TBC1D22A: variants seen among roughly 807,000 people sequenced by gnomAD.
TBC1D22A encodes the protein putative GTPase activator.
A neutral mutation model predicts 60.2 loss-of-function variants in TBC1D22A; 38 were observed. The ratio of observed to expected loss-of-function variants is 0.63; its 90% CI spans 0.49 to 0.83. TBC1D22A has a LOEUF of 0.83. Among genes scored for constraint, TBC1D22A ranks in the 40% least tolerant of loss-of-function variants. The pLI, the probability that TBC1D22A is intolerant of heterozygous loss-of-function variation, is 0.00. For synonymous variants in TBC1D22A, 302 were observed against 281.7 expected, an observed-to-expected ratio of 1.07 and a Z score of -0.72; for missense variants, 628 against 701.0, an observed-to-expected ratio of 0.90 and a Z score of 1.18.
chr22:47,053,555 G>A (rs1047571935), intron 11 of TBC1D22A, among the ~76,000 whole-genome samples: 3 of 152,250 alleles, frequency 2.0e-5, no homozygotes, highest in African/African-American at 7.2e-5. Flanking sequence ...AGTTTGCCAG[G>A]CCTGTGAGGA....
At chr22:46,912,726 T>A (rs764411767) in intron 8 of TBC1D22A, among the ~76,000 whole-genome samples, 24 of 152,188 alleles carry the variant, frequency 1.6e-4, no homozygotes, top group Non-Finnish European at 3.1e-4. Context: ...CCAGCTAATT[T>A]TTGTATTTTT....
chr22:47,109,668 C>A (rs967173090), intron 11 of TBC1D22A, among the ~76,000 whole-genome samples: 4 of 152,206 alleles, frequency 2.6e-5, no homozygotes, highest in African/African-American at 9.7e-5. Context: ...TTTCCATAAA[C>A]CTTTCCCCAT....
intron 4 of TBC1D22A, among the ~76,000 whole-genome samples, chr22:46,847,940 T>TGC (rs925427350): frequency 4.0e-5 from 5 of 124,830 alleles, no homozygotes; most frequent in African/African-American, 1.6e-4. Context: ...TGTGTGTGTG[T>TGC]GTGTGTGTGT....
intron 4 of TBC1D22A, 90 bp downstream of exon 4, chr22:46,797,710 T>C: frequency 3.0e-6 from 4 of 1,342,316 alleles, no homozygotes; most frequent in Middle Eastern, 1.9e-4. Flanking sequence ...TGTATGCTTA[T>C]GTAATGCACA....
intron 8 of TBC1D22A, chr22:46,915,295 A>T: frequency 2.4e-6 from 1 of 422,252 alleles, no homozygotes; most frequent in South Asian, 1.7e-5. Context: ...CAGAGAGGCT[A>T]TTCTGGTTTG....
chr22:47,071,837 G>A (rs774821299), intron 11 of TBC1D22A, among the ~76,000 whole-genome samples: 9 of 152,112 alleles, frequency 5.9e-5, no homozygotes, highest in Non-Finnish European at 1.0e-4. Context: ...TGTTATTCTC[G>A]GAGTGGAGAG....
At chr22:46,903,039 C>G (rs1036480695) in intron 7 of TBC1D22A, among the ~76,000 whole-genome samples, 1 of 152,206 alleles carries the variant, frequency 6.6e-6, no homozygotes, top group East Asian at 1.9e-4. Flanking sequence ...CTGGGGCCGC[C>G]TCACGTCTCT....
chr22:46,911,434 A>T (rs2069914879), intron 7 of TBC1D22A, among the ~76,000 whole-genome samples: 1 of 152,090 alleles, frequency 6.6e-6, no homozygotes, highest in African/African-American at 2.4e-5. Flanking sequence ...CTGCTCACTC[A>T]TCCATGCCTC....
At position 47,054,898 on chromosome 22, in the gene TBC1D22A, G is replaced by T. The variant is rs1179822112; in HGVS notation, c.1329+17700G>T. On this transcript the variant is annotated intron_variant, in intron 11 of 12. Transcript: ENST00000337137. Reference sequence around the variant, plus strand: ...GTGTGTAGGGCACAGACCGTGGGGTGTGGGTGCAGTTGGCACTCTCACCCT... The same window carrying T: ...GTGTGTAGGGCACAGACCGTGGGGTTTGGGTGCAGTTGGCACTCTCACCCT... Among the ~76,000 whole-genome samples the T allele has an allele frequency of 2.6e-5, 4 of 152,200 alleles. No individual in the cohort carries two copies. In the South Asian group the frequency reaches 8.3e-4, roughly 31 times the overall value.
At chr22:46,910,854 G>C (rs5767408) in intron 7 of TBC1D22A, among the ~76,000 whole-genome samples, 85,147 of 149,544 alleles carry the variant, frequency 0.57, 24,538 homozygotes, top group Middle Eastern at 0.73. Flanking sequence ...CGAGACCCAG[G>C]GTGCGGGCGT....
At chr22:46,870,968 A>G (rs2067269000) in intron 4 of TBC1D22A, among the ~76,000 whole-genome samples, 1 of 152,218 alleles carries the variant, frequency 6.6e-6, no homozygotes, top group African/African-American at 2.4e-5. Context: ...AAACCATAAC[A>G]AAAGCCAGAC....
At chr22:46,854,623 C>A (rs2087473144) in intron 4 of TBC1D22A, among the ~76,000 whole-genome samples, 1 of 151,476 alleles carries the variant, frequency 6.6e-6, no homozygotes, top group South Asian at 2.1e-4. Context: ...TGCCCTAGAT[C>A]AGACCTTTAT....
chr22:47,046,357 G>A (rs552041537), intron 11 of TBC1D22A, among the ~76,000 whole-genome samples: 1 of 152,296 alleles, frequency 6.6e-6, no homozygotes, highest in Admixed American at 6.5e-5. Flanking sequence ...CCCTAGAGGA[G>A]AGCCACGGGC....
intron 4 of TBC1D22A, among the ~76,000 whole-genome samples, chr22:46,819,318 A>G (rs1415002853): frequency 1.3e-5 from 2 of 152,200 alleles, no homozygotes; most frequent in African/African-American, 4.8e-5. Context: ...ACCAGTTTTC[A>G]GAGGGAATGC....
chr22:47,129,976 C>G (rs1242446110), intron 12 of TBC1D22A, among the ~76,000 whole-genome samples: 3 of 152,172 alleles, frequency 2.0e-5, no homozygotes, highest in African/African-American at 7.2e-5. Context: ...GCTTCCTTAC[C>G]CTGTGGTCCC....
chr22:46,812,904 C>G (rs1274500677), intron 4 of TBC1D22A, among the ~76,000 whole-genome samples: 3 of 152,172 alleles, frequency 2.0e-5, no homozygotes, highest in Admixed American at 1.3e-4. Flanking sequence ...TCTTTTGACT[C>G]TTTCCATGCT....
intron 1 of TBC1D22A, among the ~76,000 whole-genome samples, chr22:46,781,445 G>A (rs1196788180): frequency 2.0e-5 from 3 of 152,180 alleles, no homozygotes; most frequent in Non-Finnish European, 4.4e-5. Context: ...CGAAGTGCTG[G>A]GATTATAGGC....
At position 47,131,564 on chromosome 22, in the gene TBC1D22A, T is replaced by G. The variant is rs559692482; in HGVS notation, c.1425+19961T>G. Among the ~76,000 whole-genome samples, 922 of 152,322 alleles carry G rather than the reference T, an allele frequency of 6.1e-3. 12 individuals are homozygous for G. Among genetic ancestry groups the G allele is most frequent in the African/African-American group, 0.021 (884 of 41,572 alleles). The stretch of plus-strand genomic sequence containing the variant: ...TCCATGTGGGGGCAACAAGCCAGCT[T>G]CTACCCCTGCTGCTGGAGCAAGAAG... On this transcript the variant is annotated intron_variant, in intron 12 of 12. Transcript: ENST00000337137.
intron 12 of TBC1D22A, among the ~76,000 whole-genome samples, chr22:47,153,885 G>A (rs944947239): frequency 6.6e-5 from 10 of 152,198 alleles, no homozygotes; most frequent in African/African-American, 2.4e-4. Context: ...TGAGTCCCGT[G>A]TGGAGGCGGG....
Sources: gnomAD v4.1 joint callset for allele counts (sites outside exome capture counted in the v4.1 genomes callset) on GRCh38, gnomAD v4.1.1 for gene constraint, MANE v1.5 for transcripts, NCBI Gene and HGNC (gene_info 2026-07-23, HGNC 2026-07-21) for gene names.